The following CADM2 variants were observed in gnomAD, a reference collection of about 807,000 sequenced individuals.
CADM2 encodes the protein immunoglobulin superfamily member 4D.
A neutral mutation model predicts 49.8 loss-of-function variants in CADM2; 12 were observed. The ratio of observed to expected loss-of-function variants is 0.24; its 90% CI spans 0.15 to 0.39. The LOEUF (loss-of-function observed/expected upper bound fraction) is 0.39. Among genes scored for constraint, CADM2 ranks in the 10% least tolerant of loss-of-function variants. The pLI is 1.00. For missense variants in CADM2, 378 were observed against 492.3 expected, an observed-to-expected ratio of 0.77 and a Z score of 2.20; for synonymous variants, 214 against 175.4, an observed-to-expected ratio of 1.22 and a Z score of -1.74.
At chr3:85,722,585 C>T (rs548213260) in intron 1 of CADM2, among the ~76,000 whole-genome samples, 174 of 152,244 alleles carry the variant, frequency 1.1e-3, no homozygotes, top group Middle Eastern at 3.4e-3. Context: ...GTTTCCTTGA[C>T]GAATAACTTT....
At chr3:85,855,202 A>G (rs1482002206) in intron 3 of CADM2, among the ~76,000 whole-genome samples, 2 of 152,098 alleles carry the variant, frequency 1.3e-5, no homozygotes, top group Non-Finnish European at 2.9e-5. Flanking sequence ...GTGGCCGGCA[A>G]TGAGCAAGAA....
At chr3:85,992,810 AG>A (rs1381572288) in intron 8 of CADM2, 1 of 152,198 alleles carries the variant, frequency 6.6e-6, no homozygotes, top group African/African-American at 2.4e-5. Context: ...CTGACTGATC[AG>A]TGAGTGATTG....
intron 1 of CADM2, among the ~76,000 whole-genome samples, chr3:85,638,615 C>T (rs947878355): frequency 6.6e-6 from 1 of 151,810 alleles, no homozygotes; most frequent in African/African-American, 2.4e-5. Context: ...TATTTTCTAC[C>T]ATTTGTTTTA....
At chr3:86,039,269 C>T (rs952868203) in intron 8 of CADM2, among the ~76,000 whole-genome samples, 8 of 152,140 alleles carry the variant, frequency 5.3e-5, no homozygotes, top group African/African-American at 1.9e-4. Context: ...CAGGGTGAGG[C>T]ATTGCCTCAC....
intron 1 of CADM2, among the ~76,000 whole-genome samples, chr3:85,503,615 T>C (rs766897136): frequency 2.0e-5 from 3 of 152,212 alleles, no homozygotes; most frequent in Non-Finnish European, 4.4e-5. Flanking sequence ...TTATGAACTG[T>C]CAACACCGTA....
chr3:85,274,428 A>G (rs1180494346), intron 1 of CADM2, among the ~76,000 whole-genome samples: 1 of 151,462 alleles, frequency 6.6e-6, no homozygotes, highest in Non-Finnish European at 1.5e-5. Flanking sequence ...GATCTAGGAC[A>G]TATGTAGCAG....
chr3:85,846,367 A>G (rs1046186758), intron 3 of CADM2, among the ~76,000 whole-genome samples: 1 of 152,132 alleles, frequency 6.6e-6, no homozygotes, highest in Non-Finnish European at 1.5e-5. Context: ...TGAGCAACAG[A>G]GCTGTATAGA....
At chr3:85,121,697 A>G (rs1431351225) in intron 1 of CADM2, among the ~76,000 whole-genome samples, 1 of 152,168 alleles carries the variant, frequency 6.6e-6, no homozygotes, top group Admixed American at 6.5e-5. Flanking sequence ...ATTCATCAGT[A>G]ATATTACCTA....
intron 1 of CADM2, among the ~76,000 whole-genome samples, chr3:85,456,384 C>T (rs919707228): frequency 6.6e-6 from 1 of 152,088 alleles, no homozygotes; most frequent in Non-Finnish European, 1.5e-5. Context: ...TTATGTAACA[C>T]TTGGCTATTA....
At chr3:85,633,655 G>A (rs962696495) in intron 1 of CADM2, among the ~76,000 whole-genome samples, 1 of 152,000 alleles carries the variant, frequency 6.6e-6, no homozygotes. Flanking sequence ...GTTTTTCATA[G>A]AATATCATAG....
chr3:85,642,139 T>C (rs561766025), intron 1 of CADM2, among the ~76,000 whole-genome samples: 7 of 152,286 alleles, frequency 4.6e-5, no homozygotes, highest in South Asian at 2.1e-4. Context: ...ACTGCAGAGA[T>C]GTGTGGAAAG....
intron 1 of CADM2, among the ~76,000 whole-genome samples, chr3:85,075,248 A>T (rs2036900791): frequency 1.3e-5 from 2 of 151,920 alleles, no homozygotes; most frequent in South Asian, 4.2e-4. Context: ...TAATATCATA[A>T]GGTCTCCTAA....
intron 1 of CADM2, among the ~76,000 whole-genome samples, chr3:85,183,521 T>TA (rs2040984209): frequency 6.6e-6 from 1 of 152,152 alleles, no homozygotes. Context: ...TTTCTAAGCC[T>TA]GAGACACTTT....
At chr3:85,707,107 C>T (rs1445979196) in intron 1 of CADM2, among the ~76,000 whole-genome samples, 1 of 152,100 alleles carries the variant, frequency 6.6e-6, no homozygotes, top group Non-Finnish European at 1.5e-5. Context: ...GCTGGGACTA[C>T]AGGCATGAGC....
At chr3:85,064,356 T>A (rs1478923585) in intron 1 of CADM2, among the ~76,000 whole-genome samples, 1 of 152,092 alleles carries the variant, frequency 6.6e-6, no homozygotes, top group Non-Finnish European at 1.5e-5. Context: ...TTTCTTCTCT[T>A]CTTGTTTGAT....
At chr3:85,230,476 T>C (rs1376938) in intron 1 of CADM2, among the ~76,000 whole-genome samples, 14,515 of 152,218 alleles carry the variant, frequency 0.095, 859 homozygotes, top group African/African-American at 0.17. Context: ...ATTAGATTAG[T>C]GATTTTACTT....
chr3:85,959,295 C>T (rs1724523342), intron 7 of CADM2, among the ~76,000 whole-genome samples: 1 of 151,686 alleles, frequency 6.6e-6, no homozygotes, highest in Non-Finnish European at 1.5e-5. Flanking sequence ...CTTCTGCATG[C>T]TCTGCAATAC....
At chr3:86,049,410 G>A (rs1183077700) in intron 8 of CADM2, among the ~76,000 whole-genome samples, 1 of 151,814 alleles carries the variant, frequency 6.6e-6, no homozygotes, top group Non-Finnish European at 1.5e-5. Context: ...GAGTAGCTGG[G>A]ACTACAGGCA....
chr3:86,010,516 A>T (rs1262685559), intron 8 of CADM2, among the ~76,000 whole-genome samples: 1 of 151,498 alleles, frequency 6.6e-6, no homozygotes, highest in African/African-American at 2.4e-5. Context: ...AGACAAATAT[A>T]CAAAATCTTC....
Sources: gnomAD v4.1 joint callset for allele counts (sites outside exome capture counted in the v4.1 genomes callset) on GRCh38, gnomAD v4.1.1 for gene constraint, MANE v1.5 for transcripts, NCBI Gene and HGNC (gene_info 2026-07-23, HGNC 2026-07-21) for gene names.